The following SLF2 variants were observed in gnomAD, a reference collection of about 807,000 sequenced individuals.
SLF2 encodes SMC5-SMC6 complex localization factor protein 2.
In SLF2, 68 loss-of-function variants were observed where a neutral mutation model predicts 124.3. The observed-to-expected ratio is 0.55, with a 90% confidence interval of 0.45 to 0.67. SLF2 has a LOEUF of 0.67. Among genes scored for constraint, SLF2 ranks in the 30% least tolerant of loss-of-function variants. SLF2 has a pLI of 0.00. For missense variants in SLF2, 1,246 were observed against 1,373.7 expected, an observed-to-expected ratio of 0.91 and a Z score of 1.47; for synonymous variants, 480 against 478.8, an observed-to-expected ratio of 1.00 and a Z score of -0.03.
At chr10:100,917,819 C>T (rs1849447001) in intron 3 of SLF2, among the ~76,000 whole-genome samples, 1 of 152,154 alleles carries the variant, frequency 6.6e-6, no homozygotes, top group South Asian at 2.1e-4. Flanking sequence ...TCAAGCGATC[C>T]TCCTGCTTCC....
At position 100,958,433 on chromosome 10, in the gene SLF2, C is replaced by G. The variant is rs141800062; in HGVS notation, c.3418-995C>G. On this transcript the variant is annotated intron_variant, in intron 18 of 19. Coordinates refer to ENST00000238961, the MANE Select transcript of SLF2 (RefSeq NM_018121.4). ...CACATTCTTTTGAGCATTCATTGAC[C>G]AGAATTGCTGGCCTGTAGAACTTGG... Among the ~76,000 whole-genome samples, 699 of 152,282 alleles carry G rather than the reference C, an allele frequency of 4.6e-3. 3 individuals carry two copies. The highest frequency in any genetic ancestry group is 0.016 in the African/African-American group (673 of 41,548).
rs1169936775 is a variant in SLF2, at chr10:100,916,901, G to A, written c.516G>A (p.Glu172=). Residue 172 remains glutamate, a synonymous_variant, in exon 3 of 20, where the codon GAG becomes GAA. Transcript: ENST00000238961. The part of the protein sequence containing the change: ...KSLKKKHRSP[E]RRKSLFIHEN... ...TAAAGAAAAAACATCGATCCCCAGA[G>A]AGAAGGAAGTCACTATTCATTCATG... 3.7e-6 allele frequency: 6 copies of A among 1,614,044 alleles called. No individual in the cohort carries two copies. In the African/African-American group the frequency reaches 5.3e-5, roughly 14 times the overall value.
intron 6 of SLF2, chr10:100,926,311 A>G: frequency 6.9e-7 from 1 of 1,446,188 alleles, no homozygotes; most frequent in East Asian, 2.5e-5. Context: ...CCAGTCTCAA[A>G]TGAAAAAAAG....
intron 17 of SLF2, among the ~76,000 whole-genome samples, chr10:100,952,871 G>A (rs1175321341): frequency 2.6e-5 from 4 of 151,856 alleles, no homozygotes; most frequent in Admixed American, 6.6e-5. Context: ...CCCAGGAGGC[G>A]AAGGTTGCAG....
At chr10:100,929,177 T>C in intron 6 of SLF2, 140 bp from the exon 7 acceptor site, 1 of 638,862 alleles carries the variant, frequency 1.6e-6, no homozygotes. Context: ...GAGACATAAT[T>C]TGACCGATAG....
intron 12 of SLF2, among the ~76,000 whole-genome samples, chr10:100,944,335 A>G (rs968099648): frequency 2.6e-5 from 4 of 151,762 alleles, no homozygotes; most frequent in Non-Finnish European, 4.4e-5. Flanking sequence ...CTCTACTAAA[A>G]ATACAAAAAA....
chr10:100,927,943 T>G (rs1849643844), intron 6 of SLF2, among the ~76,000 whole-genome samples: 1 of 150,120 alleles, frequency 6.7e-6, no homozygotes, highest in Non-Finnish European at 1.5e-5. Context: ...GCTTGTTTGG[T>G]GGGTGGGGCG....
In SLF2 at chr10:100,933,078, G is replaced by A. The variant is rs142441727; in HGVS notation, c.2436+2000G>A. ...AATCATGCCACTGTACTCCAGCCTG[G>A]GGAACAGAGAAAGACCCCATATCAA... On this transcript the variant is annotated intron_variant, in intron 9 of 19. Transcript: ENST00000238961. 3.1e-3 allele frequency among the ~76,000 whole-genome samples: 466 copies of A among 152,116 alleles called. 1 individual carries two copies. Among genetic ancestry groups the A allele is most frequent in the Admixed American group, 6.7e-3 (102 of 15,270 alleles).
In SLF2 at chr10:100,956,561, C is replaced by T. The variant is rs1310954119; in HGVS notation, c.3417+24C>T. 1,221 of 1,229,016 alleles carry T rather than the reference C, an allele frequency of 9.9e-4. 3 individuals carry two copies. Among genetic ancestry groups the T allele is most frequent in the Non-Finnish European group, 1.3e-3 (1,138 of 903,784 alleles). The allele number at this position is 1,229,016 out of a possible 1,614,324, so 76.1% of individuals were successfully genotyped here. ...AGGTAAGTGTGTTCTTTCTTTTTTTCTTTTTTTTTTTCTTAATCTTGGTTA... is the reference window on the plus strand; with the variant it reads ...AGGTAAGTGTGTTCTTTCTTTTTTTTTTTTTTTTTTTCTTAATCTTGGTTA... On this transcript the variant is annotated intron_variant, in intron 18 of 19. Transcript: ENST00000238961.
At position 100,937,479 on chromosome 10, in the gene SLF2, T is replaced by C. The variant is rs1207764281; in HGVS notation, c.2512+2T>C. 5 of 1,540,566 alleles carry C rather than the reference T, an allele frequency of 3.2e-6. No individual in the cohort carries two copies. Among genetic ancestry groups the C allele is most frequent in the Non-Finnish European group, 4.5e-6 (5 of 1,113,408 alleles). ...TGATGGAAATAACAATTAGAAATGGTAAGTATATCAACTTATTAAGATTTA... is the reference window on the plus strand; with the variant it reads ...TGATGGAAATAACAATTAGAAATGGCAAGTATATCAACTTATTAAGATTTA... On this transcript the variant is annotated splice_donor_variant, in intron 10 of 19. Coordinates refer to ENST00000238961, the MANE Select transcript of SLF2 (RefSeq NM_018121.4). LOFTEE classifies it high-confidence loss of function.
chr10:100,924,975 A>G lies in SLF2; in HGVS notation c.1971+3A>G, dbSNP rs975276672. The G allele has an allele frequency of 6.2e-7, 1 of 1,600,720 alleles. No homozygotes were observed. The highest frequency in any genetic ancestry group is 1.3e-5 in the African/African-American group (1 of 74,252). On this transcript the variant is annotated splice_donor_region_variant and intron_variant, in intron 5 of 19. Transcript: ENST00000238961. ...GATCTCAGTCATCAGACTATACAGT[A>G]AGTAGTTCTGTGACGTTTATCTTTA...
chr10:100,917,657 G>T (rs1320695971), intron 3 of SLF2, among the ~76,000 whole-genome samples: 1 of 152,090 alleles, frequency 6.6e-6, no homozygotes, highest in Non-Finnish European at 1.5e-5. Flanking sequence ...TCTCATTGCA[G>T]TCTCAAACTC....
rs1348411508 is a variant in SLF2 at position 100,964,821 on chromosome 10, G to A, written c.*2909G>A. 6.6e-6 allele frequency: 1 copy of A among 152,166 alleles called. No homozygotes were observed. Among genetic ancestry groups the A allele is most frequent in the African/African-American group, 2.4e-5 (1 of 41,426 alleles). The allele number at this position is 152,166 out of a possible 1,614,324, so 9.4% of individuals were successfully genotyped here. On this transcript the variant is annotated 3_prime_UTR_variant, in exon 20 of 20. Transcript: ENST00000238961. ...GCCCATTAAACAAGCTACTGAGTTG[G>A]AGAATTAGGGGATGACTGTGGTGGT...
Position 100,945,404 on chromosome 10 carries a change from A to T in SLF2, c.2832A>T (p.Leu944Phe). Residue 944 changes from leucine to phenylalanine, a missense_variant, in exon 13 of 20, where the codon TTA (leucine) becomes TTT (phenylalanine). Around this residue, in one of 3 missense-constraint regions of SLF2, gnomAD observed 535 missense variants for 632.8 expected, o/e 0.85. Coordinates refer to ENST00000238961, the MANE Select transcript of SLF2 (RefSeq NM_018121.4). ...AAATAATGTTGCTGATTTTAATGTT[A>T]TTTAAAATGAGTTTGGAAAAACAGC... is the stretch of plus-strand genomic sequence containing the variant. ...DREIMLLILM[L>F]FKMSLEKQLK... 1 of 1,603,610 alleles carries T rather than the reference A, an allele frequency of 6.2e-7. No individual in the cohort carries two copies. Among genetic ancestry groups the T allele is most frequent in the African/African-American group, 1.3e-5 (1 of 74,514 alleles).
intron 2 of SLF2, 76 bp downstream of exon 2, chr10:100,916,118 A>G: frequency 9.0e-7 from 1 of 1,112,176 alleles, no homozygotes. Flanking sequence ...TTTAAAACCT[A>G]CTCTAAACTG....
At chr10:100,919,121 C>T (rs545698397) in intron 4 of SLF2, among the ~76,000 whole-genome samples, 3 of 146,854 alleles carry the variant, frequency 2.0e-5, no homozygotes, top group South Asian at 2.2e-4. Flanking sequence ...ACACCATTCT[C>T]CTGCCTCAGC....
rs1361881562 is a variant in SLF2 at position 100,924,916 on chromosome 10, A to T, written c.1915A>T (p.Thr639Ser). The T allele has an allele frequency of 1.2e-6, 2 of 1,614,032 alleles. No homozygotes were observed. Among genetic ancestry groups the T allele is most frequent in the African/African-American group, 2.7e-5 (2 of 74,954 alleles). Residue 639 changes from threonine (T) to serine (S), a missense_variant, in exon 5 of 20, where the codon ACA becomes TCA. Coordinates refer to ENST00000238961, the MANE Select transcript of SLF2 (RefSeq NM_018121.4). ...GAACTTCAATCAGACTCCTGCAGCT[A>T]CAGGAAAGCCTCCTGCTCTTTCCAA... Reference protein sequence around the residue: ...ALNFNQTPAATGKPPALSKGL... With the variant: ...ALNFNQTPAASGKPPALSKGL...
At position 100,913,055 on chromosome 10, in the gene SLF2, C is replaced by A; in HGVS notation, c.-56C>A. 1 of 1,588,556 alleles carries A rather than the reference C, an allele frequency of 6.3e-7. No homozygotes were observed. The highest frequency in any genetic ancestry group is 8.6e-7 in the Non-Finnish European group (1 of 1,166,802). On this transcript the variant is annotated 5_prime_UTR_variant, in exon 1 of 20. Coordinates refer to ENST00000238961, the MANE Select transcript of SLF2 (RefSeq NM_018121.4). ...CGGAGTCCCAGCAGCAAGACGGCAACCACGCACCCAACTTCTCCAGCCACG... is the reference window on the plus strand; with the variant it reads ...CGGAGTCCCAGCAGCAAGACGGCAAACACGCACCCAACTTCTCCAGCCACG...
At chr10:100,923,065 C>A (rs575268564) in intron 4 of SLF2, among the ~76,000 whole-genome samples, 1 of 152,202 alleles carries the variant, frequency 6.6e-6, no homozygotes, top group Non-Finnish European at 1.5e-5. Flanking sequence ...TGTGACCCAC[C>A]GCACTCAGCC....
Sources: gnomAD v4.1 joint callset for allele counts (sites outside exome capture counted in the v4.1 genomes callset) on GRCh38, gnomAD v4.1.1 for gene constraint, gnomAD v4.1.1 regional missense constraint, MANE v1.5 for transcripts, NCBI Gene and HGNC (gene_info 2026-07-23, HGNC 2026-07-21) for gene names.